Variants in CD40LG observed in about 807,000 individuals in gnomAD.
CD40LG encodes the protein CD40 ligand.
A neutral mutation model predicts 17.2 loss-of-function variants in CD40LG; 1 was observed. That is an observed-to-expected ratio of 0.06 (90% CI 0.02 to 0.28). CD40LG has a LOEUF of 0.28. Among genes scored for constraint, CD40LG ranks in the 10% least tolerant of loss-of-function variants. CD40LG has a pLI of 1.00. For missense variants in CD40LG, 133 were observed against 193.2 expected (o/e 0.69, Z 1.85); for synonymous variants, 66 against 74.4 (o/e 0.89, Z 0.58).
chrX:136,657,650 C>G (rs2076122925), intron 4 of CD40LG, among the ~76,000 whole-genome samples: 1 of 112,023 alleles, frequency 8.9e-6, no homozygotes, highest in Non-Finnish European at 1.9e-5. Flanking sequence ...CCCCTTCTCT[C>G]TTCTGGATCA....
chrX:136,648,789 C>T (rs758865867), intron 1 of CD40LG, among the ~76,000 whole-genome samples: 3 of 112,306 alleles, frequency 2.7e-5, no homozygotes, highest in Non-Finnish European at 5.6e-5. Flanking sequence ...TAATTATTTG[C>T]TAAAGTTCTG....
At chrX:136,657,497 C>T (rs763914246) in intron 4 of CD40LG, among the ~76,000 whole-genome samples, 3 of 111,423 alleles carry the variant, frequency 2.7e-5, no homozygotes, top group East Asian at 2.8e-4. Flanking sequence ...CTAATGTGGC[C>T]GAAAGTGATG....
chrX:136,657,347 C>G (rs185367819), intron 4 of CD40LG, among the ~76,000 whole-genome samples: 92 of 111,633 alleles, frequency 8.2e-4, no homozygotes, highest in African/African-American at 2.9e-3. Flanking sequence ...AAAGTAAGAG[C>G]ACTGAATAGG....
chrX:136,656,483 T>TACCTAATGGTTA, intron 4 of CD40LG, 65 bp downstream of exon 4: 1 of 920,888 alleles, frequency 1.1e-6, no homozygotes, highest in Non-Finnish European at 1.6e-6. Flanking sequence ...GAAGTCATGT[T>TACCTAATGGTTA]ACCTAATGGT....
intron 4 of CD40LG, among the ~76,000 whole-genome samples, chrX:136,657,026 G>C (rs1202280202): frequency 8.9e-6 from 1 of 111,951 alleles, no homozygotes; most frequent in African/African-American, 3.3e-5. Context: ...TCCCAAATGT[G>C]CATCTTGCGA....
At chrX:136,653,475 G>T (rs965360089) in intron 2 of CD40LG, among the ~76,000 whole-genome samples, 4 of 112,676 alleles carry the variant, frequency 3.6e-5, no homozygotes, top group Non-Finnish European at 7.5e-5. Flanking sequence ...GTGTGCAGAG[G>T]ATAGACAGAT....
At chrX:136,649,932 A>G (rs1185349540) in intron 1 of CD40LG, among the ~76,000 whole-genome samples, 3 of 112,621 alleles carry the variant, frequency 2.7e-5, no homozygotes, top group Non-Finnish European at 5.6e-5. Context: ...TATAATGACC[A>G]ATCATTACTG....
Position 136,650,411 on chromosome X carries a change from T to C in CD40LG, c.288+14T>C. On this transcript the variant is annotated intron_variant, in intron 2 of 4. Coordinates refer to ENST00000370629, the MANE Select transcript of CD40LG (RefSeq NM_000074.3). The stretch of plus-strand genomic sequence containing the variant: ...GGCTTTGTGAAGGTAAGCAGCTTAA[T>C]TACTGGTAAAAGTGTCATTGAAATA... The C allele has an allele frequency of 8.3e-7, 1 of 1,199,311 alleles. No individual in the cohort carries two copies. Among genetic ancestry groups the C allele is most frequent in the Non-Finnish European group, 1.1e-6 (1 of 884,625 alleles).
intron 2 of CD40LG, 97 bp downstream of exon 2, chrX:136,650,494 T>C: frequency 5.1e-6 from 4 of 778,821 alleles, no homozygotes; most frequent in Non-Finnish European, 5.9e-6. Flanking sequence ...AGATTGGTTA[T>C]AGACACAGAC....
rs1016790781 is a variant in CD40LG at position 136,654,447 on chromosome X, C to T, written c.346+17C>T. On this transcript the variant is annotated intron_variant, in intron 3 of 4. Coordinates refer to ENST00000370629, the MANE Select transcript of CD40LG (RefSeq NM_000074.3). ...TGCAAAAAGGTAGGTTTGCTATTTG[C>T]TAATTTCTATGAATGCCTAAAAACT... is the stretch of plus-strand genomic sequence containing the variant. 7 of 1,139,178 alleles carry T rather than the reference C, an allele frequency of 6.1e-6. No homozygotes were observed. In the African/African-American group the frequency reaches 1.1e-4, roughly 17 times the overall value. 93.9% of individuals were successfully genotyped at this position (1,139,178 alleles called of 1,213,427 possible). A position where few individuals can be genotyped will look rare whatever the true frequency, so the allele number is the denominator to read the frequency against.
At position 136,659,039 on chromosome X, in the gene CD40LG, T is replaced by A; in HGVS notation, c.410T>A (p.Val137Glu). The change falls in exon 5 of 5, where the codon GTG becomes GAG. Residue 137 changes from valine (V) to glutamate (E), a missense_variant and splice_region_variant. By Grantham distance (121) the Val-to-Glu change is moderately radical. Transcript: ENST00000370629. ...CAAACTTTCCCTTTCTTTGTAACAG[T>A]GTTACAGTGGGCTGAAAAAGGATAC... ...ISEASSKTTS[V>E]LQWAEKGYYT... The A allele has an allele frequency of 4.1e-6, 5 of 1,210,624 alleles. No individual in the cohort carries two copies. Among genetic ancestry groups the A allele is most frequent in the Non-Finnish European group, 5.6e-6 (5 of 894,489 alleles).
At position 136,659,535 on chromosome X, in the gene CD40LG, G is replaced by T; in HGVS notation, c.*120G>T. 5.3e-6 allele frequency: 4 copies of T among 758,321 alleles called. No homozygotes were observed. Among genetic ancestry groups the T allele is most frequent in the Middle Eastern group, 4.5e-4 (1 of 2,217 alleles). The allele number at this position is 758,321 out of a possible 1,213,427, so 62.5% of individuals were successfully genotyped here. A position where few individuals can be genotyped will look rare whatever the true frequency, so the allele number is the denominator to read the frequency against. On this transcript the variant is annotated 3_prime_UTR_variant, in exon 5 of 5. Coordinates refer to ENST00000370629, the MANE Select transcript of CD40LG (RefSeq NM_000074.3). ...ATAACCCTAGGATCCTCCTTATGGA[G>T]AACTATTTATTATACACTCCAAGGC... is the stretch of plus-strand genomic sequence containing the variant.
At chrX:136,654,315 TA>T in intron 2 of CD40LG, 57 bp from the exon 3 acceptor site, 1 of 860,641 alleles carries the variant, frequency 1.2e-6, no homozygotes, top group Non-Finnish European at 1.7e-6. Flanking sequence ...ATGATAATTT[TA>T]AAACCCCACA....
chrX:136,652,303 C>A (rs781517061), intron 2 of CD40LG, among the ~76,000 whole-genome samples: 3 of 111,442 alleles, frequency 2.7e-5, no homozygotes, highest in Non-Finnish European at 3.8e-5. Context: ...CTTTCCAATA[C>A]GCTTTCCCCC....
intron 1 of CD40LG, among the ~76,000 whole-genome samples, chrX:136,648,879 A>T (rs932783217): frequency 8.9e-6 from 1 of 111,791 alleles, no homozygotes; most frequent in Non-Finnish European, 1.9e-5. Flanking sequence ...CGTCAATTTG[A>T]TCTAAAATTT....
intron 3 of CD40LG, among the ~76,000 whole-genome samples, chrX:136,655,088 T>C (rs1161848810): frequency 9.0e-6 from 1 of 111,529 alleles, no homozygotes; most frequent in African/African-American, 3.3e-5. Flanking sequence ...ACTATACTAC[T>C]CCAGAGAAGT....
chrX:136,655,619 T>C (rs190906881), intron 3 of CD40LG, among the ~76,000 whole-genome samples: 2 of 112,330 alleles, frequency 1.8e-5, no homozygotes, highest in Admixed American at 9.4e-5. Flanking sequence ...TACTAAATGG[T>C]CATCCGACTT....
chrX:136,652,179 T>C (rs2076105587), intron 2 of CD40LG, among the ~76,000 whole-genome samples: 1 of 110,505 alleles, frequency 9.0e-6, no homozygotes, highest in Non-Finnish European at 1.9e-5. Context: ...AGGCTCCTTG[T>C]CTCTACTGCA....
chrX:136,659,205 C>G lies in CD40LG; in HGVS notation c.576C>G (p.Ser192Arg). The change falls in exon 5 of 5, where the codon AGC becomes AGG. Residue 192 changes from serine to arginine, a missense_variant. Transcript: ENST00000370629. Reference sequence around the variant, plus strand: ...CGAGTCAAGCTCCATTTATAGCCAGCCTCTGCCTAAAGTCCCCCGGTAGAT... The same window carrying G: ...CGAGTCAAGCTCCATTTATAGCCAGGCTCTGCCTAAAGTCCCCCGGTAGAT... ...EASSQAPFIA[S>R]LCLKSPGRFE... is the part of the protein sequence containing the mutation. 1 of 1,210,977 alleles carries G rather than the reference C, an allele frequency of 8.3e-7. No individual in the cohort carries two copies. The highest frequency in any genetic ancestry group is 1.1e-6 in the Non-Finnish European group (1 of 894,569).
Sources: gnomAD v4.1 joint callset for allele counts (sites outside exome capture counted in the v4.1 genomes callset) on GRCh38, gnomAD v4.1.1 for gene constraint, MANE v1.5 for transcripts, NCBI Gene and HGNC (gene_info 2026-07-23, HGNC 2026-07-21) for gene names.